FAR2: variants seen among roughly 807,000 people sequenced by gnomAD.
The protein encoded by FAR2 is epididymis secretory protein Li 81.
FAR2 carries 19 observed loss-of-function variants against 56.0 expected under a neutral mutation model. The observed-to-expected ratio is 0.34, with a 90% confidence interval of 0.24 to 0.50. The LOEUF is 0.50. Among genes scored for constraint, FAR2 ranks in the 20% least tolerant of loss-of-function variants. FAR2 has a pLI of 0.98. For missense variants in FAR2, 508 were observed against 642.2 expected, an observed-to-expected ratio of 0.79 and a Z score of 2.26; for synonymous variants, 219 against 218.8, an observed-to-expected ratio of 1.00 and a Z score of -0.01.
At chr12:29,312,011 CAA>C in intron 8 of FAR2, 61 bp downstream of exon 8, 1 of 1,234,824 alleles carries the variant, frequency 8.1e-7, no homozygotes. Context: ...AAAAAGTTGA[CAA>C]AGTGTGTCAT....
At chr12:29,303,291 G>C (rs760571031) in intron 4 of FAR2, among the ~76,000 whole-genome samples, 1 of 152,174 alleles carries the variant, frequency 6.6e-6, no homozygotes, top group Non-Finnish European at 1.5e-5. Flanking sequence ...TTATGAGCAG[G>C]CAAGTTTGGG....
intron 1 of FAR2, among the ~76,000 whole-genome samples, chr12:29,232,821 G>GCGCGCACACACACA (rs71444325): frequency 4.1e-5 from 6 of 145,858 alleles, no homozygotes; most frequent in African/African-American, 1.5e-4. Context: ...ACGCGCTCGC[G>GCGCGCACACACACA]CACACACACA....
intron 10 of FAR2, among the ~76,000 whole-genome samples, chr12:29,323,378 C>A (rs1949585126): frequency 6.6e-6 from 1 of 152,224 alleles, no homozygotes. Context: ...ATGTCCCTGT[C>A]TGACAGCTTT....
intron 1 of FAR2, among the ~76,000 whole-genome samples, chr12:29,153,065 ATAAT>A (rs1949693906): frequency 2.0e-5 from 3 of 152,250 alleles, no homozygotes. Context: ...CATGTAATAA[ATAAT>A]TAGGCCCATT....
At chr12:29,324,165 G>T (rs1949603571) in intron 10 of FAR2, among the ~76,000 whole-genome samples, 1 of 152,036 alleles carries the variant, frequency 6.6e-6, no homozygotes, top group African/African-American at 2.4e-5. Context: ...AAGACGAAAT[G>T]AATGAAATGA....
At chr12:29,190,701 G>A (rs1267549529) in intron 1 of FAR2, among the ~76,000 whole-genome samples, 2 of 151,946 alleles carry the variant, frequency 1.3e-5, no homozygotes, top group East Asian at 1.9e-4. Flanking sequence ...CTGACCTGGT[G>A]ATCCACCCAC....
chr12:29,293,390 A>G lies in FAR2; in HGVS notation c.280A>G (p.Ser94Gly), dbSNP rs1202718885. The change falls in exon 3 of 12, where the codon AGC becomes GGC. Residue 94 changes from serine (S) to glycine (G), a missense_variant. Ser to Gly is a moderately conservative substitution (Grantham distance 56). Coordinates refer to ENST00000536681, the MANE Select transcript of FAR2 (RefSeq NM_001271783.2). ...TCTCAATCAGAATGACTTTGCCATC[A>G]GCAAAGAGGACATGCAGGAGCTTCT... ...ADLNQNDFAISKEDMQELLSC... is the reference protein window; with the variant it reads ...ADLNQNDFAIGKEDMQELLSC... The G allele has an allele frequency of 3.7e-6, 6 of 1,613,072 alleles. No individual in the cohort carries two copies. The highest frequency in any genetic ancestry group is 5.1e-6 in the Non-Finnish European group (6 of 1,179,546).
At chr12:29,314,774 A>G (rs1470922727) in intron 8 of FAR2, among the ~76,000 whole-genome samples, 1 of 152,096 alleles carries the variant, frequency 6.6e-6, no homozygotes. Flanking sequence ...GACAGGGAAT[A>G]TATCATATAT....
chr12:29,333,758 C>G lies in FAR2; in HGVS notation c.1512C>G (p.Leu504=). The G allele has an allele frequency of 6.2e-7, 1 of 1,613,802 alleles. No individual in the cohort carries two copies. The highest frequency in any genetic ancestry group is 8.5e-7 in the Non-Finnish European group (1 of 1,179,744). The change falls in exon 12 of 12, where the codon CTC becomes CTG. Residue 504 remains leucine (L), a synonymous_variant. Transcript: ENST00000536681. ...FFIVSFCYKF[L]SYFRASSTLK... The stretch of plus-strand genomic sequence containing the variant: ...TTGTAAGCTTCTGTTATAAATTCCT[C>G]TCCTACTTTAGAGCATCCAGCACGC...
At chr12:29,261,299 G>A (rs10843371) in intron 1 of FAR2, among the ~76,000 whole-genome samples, 49,404 of 151,862 alleles carry the variant, frequency 0.33, 8,213 homozygotes, top group Non-Finnish European at 0.37. Flanking sequence ...ACTGAAGAAT[G>A]CATCAGAGTC....
At chr12:29,298,787 T>C (rs1311065685) in intron 4 of FAR2, among the ~76,000 whole-genome samples, 1 of 152,202 alleles carries the variant, frequency 6.6e-6, no homozygotes, top group Non-Finnish European at 1.5e-5. Context: ...ATATTTGATA[T>C]GTCCAGGAGA....
At chr12:29,208,423 G>A (rs1353215574) in intron 1 of FAR2, among the ~76,000 whole-genome samples, 1 of 152,256 alleles carries the variant, frequency 6.6e-6, no homozygotes, top group African/African-American at 2.4e-5. Context: ...AGGAGGCCAA[G>A]AGGCAGAAAA....
intron 5 of FAR2, 168 bp downstream of exon 5, chr12:29,308,003 T>C (rs1949281475): frequency 3.1e-6 from 2 of 650,600 alleles, no homozygotes; most frequent in Non-Finnish European, 2.5e-6. Context: ...GGGTTCAGGA[T>C]TTACCCAGCA....
rs1214134625 is a variant in FAR2 at position 29,251,108 on chromosome 12, AG to A, written c.-38-19303del. The stretch of plus-strand genomic sequence containing the variant: ...GGATGTTCCTAGAAGTGAAGTGGAT[AG>A]AGAAGTCTATTAATCTTACTTGATC... On this transcript the variant is annotated intron_variant, in intron 1 of 11. Transcript: ENST00000536681. 3.3e-5 allele frequency among the ~76,000 whole-genome samples: 5 copies of A among 152,224 alleles called. No homozygotes were observed. The East Asian group carries it at 9.6e-4, about 29-fold the overall frequency.
At chr12:29,174,880 A>G (rs1038685119) in intron 1 of FAR2, among the ~76,000 whole-genome samples, 2 of 152,208 alleles carry the variant, frequency 1.3e-5, no homozygotes, top group Middle Eastern at 3.2e-3. Context: ...TCATGGCCAC[A>G]AGGTCAACCA....
intron 1 of FAR2, among the ~76,000 whole-genome samples, chr12:29,213,428 G>A (rs760731829): frequency 1.3e-5 from 2 of 152,068 alleles, no homozygotes; most frequent in Admixed American, 6.6e-5. Context: ...GGTGGCTCAC[G>A]CCTGTCATTC....
intron 2 of FAR2, among the ~76,000 whole-genome samples, chr12:29,286,090 TAC>T (rs1591929199): frequency 8.7e-6 from 1 of 115,290 alleles, no homozygotes; most frequent in African/African-American, 3.4e-5. Context: ...CACACACACA[TAC>T]ACACACACAC....
intron 1 of FAR2, among the ~76,000 whole-genome samples, chr12:29,253,197 A>G (rs1012123425): frequency 6.7e-6 from 1 of 150,168 alleles, no homozygotes; most frequent in African/African-American, 2.5e-5. Context: ...CTATCTATCT[A>G]TCTAGATAGG....
At chr12:29,243,028 C>T (rs1278909557) in intron 1 of FAR2, among the ~76,000 whole-genome samples, 2 of 152,304 alleles carry the variant, frequency 1.3e-5, no homozygotes, top group Non-Finnish European at 2.9e-5. Flanking sequence ...TTAGCAGAGA[C>T]TCAAAGGCAC....
Sources: gnomAD v4.1 joint callset for allele counts (sites outside exome capture counted in the v4.1 genomes callset) on GRCh38, gnomAD v4.1.1 for gene constraint, MANE v1.5 for transcripts, NCBI Gene and HGNC (gene_info 2026-07-23, HGNC 2026-07-21) for gene names.